The following AXIN1 variants were observed in gnomAD, a reference collection of about 807,000 sequenced individuals.
The protein encoded by AXIN1 is axin 1.
In AXIN1, 30 loss-of-function variants were observed where a neutral mutation model predicts 76.4. The ratio of observed to expected loss-of-function variants is 0.39; its 90% confidence interval spans 0.29 to 0.53. AXIN1 has a LOEUF of 0.53. Ranked by LOEUF, AXIN1 falls within the 20% of genes least tolerant of loss-of-function variation. AXIN1 has a pLI of 0.66. For synonymous variants in AXIN1, 545 were observed against 501.4 expected (o/e 1.09, Z -1.16); for missense variants, 1,140 against 1,198.8 (o/e 0.95, Z 0.72).
intron 4 of AXIN1, among the ~76,000 whole-genome samples, chr16:309,293 CAA>C (rs56239336): frequency 4.8e-4 from 70 of 146,098 alleles, no homozygotes; most frequent in Non-Finnish European, 4.8e-4. Flanking sequence ...ACTCCTATCT[CAA>C]AAAAAAAAAA....
intron 8 of AXIN1, chr16:292,173 C>T (rs1237130470): frequency 6.6e-6 from 1 of 152,440 alleles, no homozygotes; most frequent in Non-Finnish European, 1.5e-5. Flanking sequence ...GGCCTCGGAC[C>T]TGCTGCACAC....
Position 322,630 on chromosome 16 carries a change from C to G in AXIN1, c.879-7947G>C, listed in dbSNP as rs74000513. The stretch of plus-strand genomic sequence containing the variant: ...TGCAGACTCGGGTGTGCGTCTGCCC[C>G]TCAATACCCCATCCATGTGTCTCCA... On this transcript the variant is annotated intron_variant, in intron 2 of 10. Transcript: ENST00000262320. Among the ~76,000 whole-genome samples, 475 of 152,314 alleles carry G rather than the reference C, an allele frequency of 3.1e-3. 3 individuals are homozygous for G. Among genetic ancestry groups the G allele is most frequent in the African/African-American group, 0.011 (448 of 41,576 alleles).
chr16:303,624 C>T (rs1597014319), intron 5 of AXIN1, among the ~76,000 whole-genome samples: 1 of 152,152 alleles, frequency 6.6e-6, no homozygotes, highest in East Asian at 1.9e-4. Flanking sequence ...TCAGGTGATC[C>T]GCCCGCCTCG....
In AXIN1 at chr16:332,501, G is replaced by A. The variant is rs963786103; in HGVS notation, c.878+13647C>T. On this transcript the variant is annotated intron_variant, in intron 2 of 10. Coordinates refer to ENST00000262320, the MANE Select transcript of AXIN1 (RefSeq NM_003502.4). The stretch of plus-strand genomic sequence containing the variant: ...TGAGGCAGGAGAATGGCGTGAACCC[G>A]GGAGGTGGAGGTTGCAGTGAGCTGA... Among the ~76,000 whole-genome samples, 97 of 151,520 alleles carry A rather than the reference G, an allele frequency of 6.4e-4. 2 individuals are homozygous for A. Among genetic ancestry groups the A allele is most frequent in the African/African-American group, 2.3e-3 (93 of 41,260 alleles).
intron 3 of AXIN1, among the ~76,000 whole-genome samples, chr16:311,405 T>C (rs1226133114): frequency 6.6e-6 from 1 of 152,156 alleles, no homozygotes; most frequent in African/African-American, 2.4e-5. Flanking sequence ...GTCTGAATAA[T>C]TACCCCAGGG....
At chr16:290,123 CCCT>C (rs1366148530) in intron 9 of AXIN1, 3 of 197,684 alleles carry the variant, frequency 1.5e-5, no homozygotes, top group African/African-American at 2.3e-5. Flanking sequence ...CTGAGCCGGG[CCCT>C]CCTCTGACAG....
rs1053854130 is a variant in AXIN1 at position 290,984 on chromosome 16, G to A, written c.2294+206C>T. ...CCTTTTGGTCACTTGTCATCATGCTGGACAGTCAGCGTCTCCTTTGATGGA... is the reference window on the plus strand; with the variant it reads ...CCTTTTGGTCACTTGTCATCATGCTAGACAGTCAGCGTCTCCTTTGATGGA... On this transcript the variant is annotated intron_variant, in intron 9 of 10. Coordinates refer to ENST00000262320, the MANE Select transcript of AXIN1 (RefSeq NM_003502.4). 2.4e-4 allele frequency: 154 copies of A among 631,332 alleles called. 1 individual carries two copies. The South Asian group carries it at 2.7e-3, about 11-fold the overall frequency. The allele number at this position is 631,332 out of a possible 1,614,324, so 39.1% of individuals were successfully genotyped here.
chr16:326,115 G>C (rs536460646), intron 2 of AXIN1, among the ~76,000 whole-genome samples: 45 of 152,140 alleles, frequency 3.0e-4, no homozygotes, highest in African/African-American at 9.9e-4. Context: ...AGCACTTTGG[G>C]AGACTGAGGT....
chr16:347,674 C>T (rs572229991), intron 1 of AXIN1, among the ~76,000 whole-genome samples: 12 of 152,320 alleles, frequency 7.9e-5, no homozygotes, highest in South Asian at 6.2e-4. Context: ...TCACGTCACG[C>T]GTGGTACACC....
At chr16:329,272 C>CAAAAAAAAAAAAAAAAAAAAAA (rs1176095680) in intron 2 of AXIN1, among the ~76,000 whole-genome samples, 1 of 71,184 alleles carries the variant, frequency 1.4e-5, no homozygotes, top group Non-Finnish European at 2.6e-5. Context: ...GCGAGACTGT[C>CAAAAAAAAAAAAAAAAAAAAAA]AAAAAAAAAA....
At chr16:330,180 C>A (rs2053666137) in intron 2 of AXIN1, among the ~76,000 whole-genome samples, 1 of 151,964 alleles carries the variant, frequency 6.6e-6, no homozygotes, top group Admixed American at 6.6e-5. Context: ...CCCATCTCAG[C>A]CTCCCTAGTG....
At position 298,186 on chromosome 16, in the gene AXIN1, G is replaced by A. The variant is rs540857771; in HGVS notation, c.1320C>T (p.Pro440=). The A allele has an allele frequency of 9.1e-5, 140 of 1,542,166 alleles. 3 individuals are homozygous for A. The highest frequency in any genetic ancestry group is 4.1e-4 in the Admixed American group (21 of 51,148). ...GCGGGAAGTGGTGCCAAGCGGGGGCGGGAGGCAGCTTGTGACACGGCCCTG... is the reference window on the plus strand; with the variant it reads ...GCGGGAAGTGGTGCCAAGCGGGGGCAGGAGGCAGCTTGTGACACGGCCCTG... ...GPPGPCHKLP[P]APAWHHFPPR... is the part of the protein sequence containing the mutation. The change falls in exon 6 of 11, where the codon CCC becomes CCT. Residue 440 remains proline, a synonymous_variant. Coordinates refer to ENST00000262320, the MANE Select transcript of AXIN1 (RefSeq NM_003502.4).
intron 2 of AXIN1, among the ~76,000 whole-genome samples, chr16:335,384 T>A (rs373068378): frequency 6.6e-6 from 1 of 151,240 alleles, no homozygotes; most frequent in East Asian, 2.0e-4. Flanking sequence ...ATGCCAATAA[T>A]GCAGCACCCA....
rs376835130 is a variant in AXIN1 at position 288,166 on chromosome 16, C to T, written c.2545G>A (p.Val849Ile). ...EVREDEAVLPVFEEKIIGKVE... is the reference protein window; with the variant it reads ...EVREDEAVLPIFEEKIIGKVE... ...TTGCCGATGATCTTCTCCTCAAAGA[C>T]GGGCAGGACGGCCTCGTCCTCTCGA... is the stretch of plus-strand genomic sequence containing the variant. The change falls in exon 11 of 11, where the codon GTC becomes ATC. Residue 849 changes from valine to isoleucine, a missense_variant. By Grantham distance (29) the Val-to-Ile change is conservative. Around this residue, in one of 3 missense-constraint regions of AXIN1, gnomAD observed 429 missense variants for 405.8 expected, o/e 1.06. Transcript: ENST00000262320. 55 of 1,613,678 alleles carry T rather than the reference C, an allele frequency of 3.4e-5. 1 individual carries two copies. The East Asian group carries it at 4.7e-4, about 14-fold the overall frequency.
chr16:322,309 G>C (rs1055381863), intron 2 of AXIN1, among the ~76,000 whole-genome samples: 1 of 152,232 alleles, frequency 6.6e-6, no homozygotes, highest in African/African-American at 2.4e-5. Context: ...GGCCCTGCTG[G>C]TAGTGCGGTC....
rs1048271735 is a variant in AXIN1, at chr16:290,636, G to A, written c.2294+554C>T. ...CCTGCCACCTTGAGCACATAAAGGCGCCGTCGACACGGCCCATGTGGGATC... is the reference window on the plus strand; with the variant it reads ...CCTGCCACCTTGAGCACATAAAGGCACCGTCGACACGGCCCATGTGGGATC... On this transcript the variant is annotated intron_variant, in intron 9 of 10. Transcript: ENST00000262320. The A allele has an allele frequency of 2.4e-4, 44 of 181,414 alleles. 1 individual carries two copies. The highest frequency in any genetic ancestry group is 9.2e-4 in the African/African-American group (39 of 42,380). The allele number at this position is 181,414 out of a possible 1,614,324, so 11.2% of individuals were successfully genotyped here. A position where few individuals can be genotyped will look rare whatever the true frequency, so the allele number is the denominator to read the frequency against.
chr16:290,955 C>T (rs2052540554), intron 9 of AXIN1: 1 of 585,908 alleles, frequency 1.7e-6, no homozygotes, highest in Admixed American at 2.7e-5. Flanking sequence ...GGCCTCCAGC[C>T]GGGCCTTTTG....
intron 5 of AXIN1, among the ~76,000 whole-genome samples, chr16:303,242 A>G (rs1257847769): frequency 6.6e-6 from 1 of 152,158 alleles, no homozygotes; most frequent in East Asian, 1.9e-4. Context: ...CACTGGGAGG[A>G]GCGCACACTG....
At chr16:317,879 G>A (rs1360604133) in intron 2 of AXIN1, among the ~76,000 whole-genome samples, 1 of 152,172 alleles carries the variant, frequency 6.6e-6, no homozygotes, top group Non-Finnish European at 1.5e-5. Flanking sequence ...TACTATGAAG[G>A]AACACTGAAC....
Sources: allele counts gnomAD v4.1 joint callset (sites outside exome capture counted in the v4.1 genomes callset), GRCh38; gene constraint gnomAD v4.1.1; regional missense constraint gnomAD v4.1.1; transcripts MANE v1.5; gene names NCBI Gene and HGNC (gene_info 2026-07-23, HGNC 2026-07-21).